LAMA3: variants seen among roughly 807,000 people sequenced by gnomAD.
The protein encoded by LAMA3 is laminin subunit alpha 3, also known as laminin subunit alpha-3.
Under a neutral mutation model 402.0 loss-of-function variants are expected in LAMA3, and 281 were observed. The observed-to-expected ratio is 0.70, with a 90% confidence interval of 0.63 to 0.77. The LOEUF is 0.77. Ranked by LOEUF, LAMA3 falls within the 30% of genes least tolerant of loss-of-function variation. The probability of loss-of-function intolerance (pLI) is 0.00; values close to 1 mark genes in which losing one functional copy is unlikely to be tolerated. For synonymous variants in LAMA3, 1,431 were observed against 1,558.4 expected, an observed-to-expected ratio of 0.92 and a Z score of 1.93; for missense variants, 3,840 against 4,215.5, an observed-to-expected ratio of 0.91 and a Z score of 2.47.
At chr18:23,705,458 C>T (rs1005822143) in intron 1 of LAMA3, among the ~76,000 whole-genome samples, 1 of 151,482 alleles carries the variant, frequency 6.6e-6, no homozygotes, top group African/African-American at 2.4e-5. Flanking sequence ...CATACACACA[C>T]ACACACACAC....
At chr18:23,773,704 A>T (rs1598763075) in intron 9 of LAMA3, 117 bp downstream of exon 9, 1 of 727,620 alleles carries the variant, frequency 1.4e-6, no homozygotes, top group Non-Finnish European at 2.5e-6. Context: ...TCAGAGTATT[A>T]GTTGTGCTCG....
intron 68 of LAMA3, among the ~76,000 whole-genome samples, chr18:23,939,709 A>G (rs1269758650): frequency 6.6e-6 from 1 of 152,182 alleles, no homozygotes; most frequent in African/African-American, 2.4e-5. Context: ...TCCATGATAA[A>G]TCACCTTTCT....
chr18:23,811,558 A>G (rs1008023212), intron 13 of LAMA3, among the ~76,000 whole-genome samples: 3 of 152,198 alleles, frequency 2.0e-5, no homozygotes, highest in African/African-American at 7.2e-5. Context: ...CAGGAGCAGA[A>G]GGAAGTGCTG....
intron 32 of LAMA3, among the ~76,000 whole-genome samples, chr18:23,854,624 G>C (rs560471746): frequency 4.6e-5 from 7 of 150,706 alleles, no homozygotes; most frequent in Admixed American, 4.0e-4. Context: ...CTGGGTGACA[G>C]AGCGAGACTC....
At chr18:23,807,398 G>C (rs975832990) in intron 12 of LAMA3, among the ~76,000 whole-genome samples, 1 of 152,072 alleles carries the variant, frequency 6.6e-6, no homozygotes, top group Admixed American at 6.6e-5. Flanking sequence ...TAGATAGATA[G>C]ATAGGTACGT....
chr18:23,705,375 A>AATATATATTGCAT (rs2060866743), intron 1 of LAMA3, among the ~76,000 whole-genome samples: 1 of 151,720 alleles, frequency 6.6e-6, no homozygotes, highest in East Asian at 1.9e-4. Context: ...TATATACACA[A>AATATATATTGCAT]ATATATATTG....
At chr18:23,948,564 CTCTT>C (rs989006422) in intron 70 of LAMA3, among the ~76,000 whole-genome samples, 4 of 152,018 alleles carry the variant, frequency 2.6e-5, no homozygotes, top group African/African-American at 9.6e-5. Flanking sequence ...TCAACATTTT[CTCTT>C]TCTTTCTTTT....
intron 42 of LAMA3, among the ~76,000 whole-genome samples, chr18:23,893,125 T>C (rs2080743646): frequency 6.6e-6 from 1 of 152,234 alleles, no homozygotes; most frequent in African/African-American, 2.4e-5. Flanking sequence ...TTAAAATGTC[T>C]GTATATACAC....
At chr18:23,895,144 C>T (rs775652996) in intron 44 of LAMA3, 86 bp downstream of exon 44, 37 of 1,463,460 alleles carry the variant, frequency 2.5e-5, no homozygotes, top group Non-Finnish European at 3.3e-5. Flanking sequence ...GAAAGGTTGA[C>T]TCCTGGAAAG....
chr18:23,893,565 A>G (rs923592821), intron 42 of LAMA3, among the ~76,000 whole-genome samples: 1 of 152,122 alleles, frequency 6.6e-6, no homozygotes, highest in Admixed American at 6.5e-5. Context: ...CCTGGGTGAG[A>G]GAGTGAGACT....
intron 39 of LAMA3, among the ~76,000 whole-genome samples, chr18:23,877,045 AAAC>A (rs764737786): frequency 1.3e-5 from 2 of 152,148 alleles, no homozygotes; most frequent in African/African-American, 2.4e-5. Context: ...CCCACACCAT[AAAC>A]AACAACAACA....
chr18:23,827,345 A>G lies in LAMA3; in HGVS notation c.2701A>G (p.Arg901Gly). Residue 901 changes from arginine (R) to glycine (G), a missense_variant, in exon 23 of 75, where the codon AGA becomes GGA. Arg to Gly is a moderately radical substitution (Grantham distance 125). This residue lies in a region of LAMA3 where 2,109 missense variants were observed against 2,376.0 expected (regional missense o/e 0.89). Coordinates refer to ENST00000313654, the MANE Select transcript of LAMA3 (RefSeq NM_198129.4). ...CLLYQHLPVTRFPCTLACEAR... is the reference protein window; with the variant it reads ...CLLYQHLPVTGFPCTLACEAR... The stretch of plus-strand genomic sequence containing the variant: ...ACTCTACCAGCATTTGCCAGTGACC[A>G]GATTCCCCTGTACCCTGGCTTGTGA... The G allele has an allele frequency of 6.2e-7, 1 of 1,614,198 alleles. No homozygotes were observed. Among genetic ancestry groups the G allele is most frequent in the Non-Finnish European group, 8.5e-7 (1 of 1,180,032 alleles).
At chr18:23,711,212 T>C (rs920112078) in intron 1 of LAMA3, among the ~76,000 whole-genome samples, 5 of 152,254 alleles carry the variant, frequency 3.3e-5, no homozygotes, top group African/African-American at 1.2e-4. Flanking sequence ...TCAGTCAGAC[T>C]TCCAAATGTC....
At chr18:23,928,371 C>A in intron 63 of LAMA3, 131 bp downstream of exon 63, 1 of 752,314 alleles carries the variant, frequency 1.3e-6, no homozygotes, top group South Asian at 1.5e-5. Flanking sequence ...CATATACACT[C>A]CCCATGTGCT....
intron 38 of LAMA3, among the ~76,000 whole-genome samples, chr18:23,873,714 A>T (rs1189759442): frequency 6.6e-6 from 1 of 152,214 alleles, no homozygotes; most frequent in South Asian, 2.1e-4. Context: ...AACTTCCTGG[A>T]TGCTGCATGT....
intron 1 of LAMA3, among the ~76,000 whole-genome samples, chr18:23,712,046 A>C (rs1414454290): frequency 6.6e-6 from 1 of 152,202 alleles, no homozygotes; most frequent in African/African-American, 2.4e-5. Flanking sequence ...AGATCATAGA[A>C]GGGAAAATAC....
chr18:23,724,508 T>C (rs774273041), intron 2 of LAMA3, among the ~76,000 whole-genome samples: 4 of 151,392 alleles, frequency 2.6e-5, no homozygotes, highest in East Asian at 1.9e-4. Context: ...CCCCCTGATA[T>C]GAGCTTCTGA....
At chr18:23,749,585 A>T in intron 4 of LAMA3, 39 bp downstream of exon 4, 1 of 1,202,962 alleles carries the variant, frequency 8.3e-7, no homozygotes. Flanking sequence ...TAAGACTCAG[A>T]AATGACCATG....
intron 1 of LAMA3, among the ~76,000 whole-genome samples, chr18:23,703,696 T>A (rs2145858663): frequency 6.6e-6 from 1 of 152,220 alleles, no homozygotes; most frequent in East Asian, 1.9e-4. Context: ...GAACCAACTT[T>A]GAGTCCCTTG....
Sources: allele counts gnomAD v4.1 joint callset (sites outside exome capture counted in the v4.1 genomes callset), GRCh38; gene constraint gnomAD v4.1.1; regional missense constraint gnomAD v4.1.1; transcripts MANE v1.5; gene names NCBI Gene and HGNC (gene_info 2026-07-23, HGNC 2026-07-21).